Variants in LRRC4C observed in about 807,000 individuals in gnomAD.
The protein encoded by LRRC4C is leucine-rich repeat-containing protein 4C.
In LRRC4C, 5 loss-of-function variants were observed where a neutral mutation model predicts 33.6. That is an observed-to-expected ratio of 0.15 (90% CI 0.08 to 0.31). The LOEUF (loss-of-function observed/expected upper bound fraction) is 0.31. Ranked by LOEUF, LRRC4C falls within the 10% of genes least tolerant of loss-of-function variation. The pLI is 1.00. For synonymous variants in LRRC4C, 329 were observed against 302.0 expected (o/e 1.09, Z -0.93); for missense variants, 560 against 796.7 (o/e 0.70, Z 3.58).
At chr11:41,352,336 G>A (rs1395861236) in intron 1 of LRRC4C, among the ~76,000 whole-genome samples, 1 of 152,112 alleles carries the variant, frequency 6.6e-6, no homozygotes, top group Non-Finnish European at 1.5e-5. Flanking sequence ...AAATATTTAT[G>A]TACCCAACAC....
chr11:40,985,029 C>A (rs1441607843), intron 1 of LRRC4C, among the ~76,000 whole-genome samples: 2 of 150,444 alleles, frequency 1.3e-5, no homozygotes, highest in Non-Finnish European at 3.0e-5. Flanking sequence ...AGCCTCCTCT[C>A]ACTGACACTT....
chr11:40,920,064 T>G (rs1274026285), intron 2 of LRRC4C, among the ~76,000 whole-genome samples: 2 of 152,188 alleles, frequency 1.3e-5, no homozygotes, highest in African/African-American at 4.8e-5. Flanking sequence ...TAACTCATGA[T>G]GCAATGCCAT....
At chr11:40,531,751 A>G (rs1306983105) in intron 3 of LRRC4C, among the ~76,000 whole-genome samples, 1 of 151,984 alleles carries the variant, frequency 6.6e-6, no homozygotes, top group Non-Finnish European at 1.5e-5. Context: ...AGGCTTTGTC[A>G]GCTGAATCAT....
At chr11:40,366,226 C>A (rs888640189) in intron 3 of LRRC4C, among the ~76,000 whole-genome samples, 6 of 152,054 alleles carry the variant, frequency 3.9e-5, no homozygotes, top group African/African-American at 1.4e-4. Context: ...CATATGCTTT[C>A]TACCTTGAGG....
chr11:40,420,496 T>C (rs1950484704), intron 3 of LRRC4C, among the ~76,000 whole-genome samples: 1 of 152,198 alleles, frequency 6.6e-6, no homozygotes, highest in Non-Finnish European at 1.5e-5. Context: ...TGCTCTGAAC[T>C]CTATCTCCAT....
rs118135302 is a variant in LRRC4C at position 40,120,000 on chromosome 11, C to G, written c.-42-3666G>C. ...CCCAATCATAAGACCATTTACCCTGCCTTCCCATAAAACCACAATAAAGGC... is the reference window on the plus strand; with the variant it reads ...CCCAATCATAAGACCATTTACCCTGGCTTCCCATAAAACCACAATAAAGGC... On this transcript the variant is annotated intron_variant, in intron 6 of 6. Coordinates refer to ENST00000528697, the MANE Select transcript of LRRC4C (RefSeq NM_001258419.2). Among the ~76,000 whole-genome samples the G allele has an allele frequency of 4.7e-3, 709 of 152,306 alleles. 5 individuals carry two copies. Among genetic ancestry groups the G allele is most frequent in the Non-Finnish European group, 8.5e-3 (575 of 68,030 alleles).
intron 1 of LRRC4C, among the ~76,000 whole-genome samples, chr11:41,164,998 T>C: frequency 6.6e-6 from 1 of 152,214 alleles, no homozygotes; most frequent in East Asian, 1.9e-4. Flanking sequence ...TGCTCTCCAT[T>C]ATCTCAAGTA....
At chr11:40,215,071 G>T (rs948548244) in intron 5 of LRRC4C, among the ~76,000 whole-genome samples, 5 of 152,162 alleles carry the variant, frequency 3.3e-5, no homozygotes, top group East Asian at 3.9e-4. Flanking sequence ...CAAATGCTTC[G>T]ATTGTTACCC....
intron 1 of LRRC4C, among the ~76,000 whole-genome samples, chr11:41,153,594 T>G (rs1361793347): frequency 6.6e-6 from 1 of 152,204 alleles, no homozygotes; most frequent in Non-Finnish European, 1.5e-5. Flanking sequence ...GAACTTTGTG[T>G]TTAACTAGCT....
chr11:40,489,062 C>T (rs542727145), intron 3 of LRRC4C, among the ~76,000 whole-genome samples: 7 of 152,204 alleles, frequency 4.6e-5, no homozygotes, highest in South Asian at 2.1e-4. Flanking sequence ...CCTTCTCTAT[C>T]GGGCTTGTCC....
intron 3 of LRRC4C, among the ~76,000 whole-genome samples, chr11:40,335,592 G>A (rs1946561689): frequency 6.6e-6 from 1 of 152,238 alleles, no homozygotes. Flanking sequence ...TATGACAATT[G>A]TTAGATGTGC....
At chr11:41,026,012 T>C (rs1289822507) in intron 1 of LRRC4C, among the ~76,000 whole-genome samples, 1 of 151,738 alleles carries the variant, frequency 6.6e-6, no homozygotes, top group Non-Finnish European at 1.5e-5. Flanking sequence ...GTAGGAGATA[T>C]ACAAAGAGAT....
chr11:40,605,212 A>T (rs187641539), intron 3 of LRRC4C, among the ~76,000 whole-genome samples: 11 of 152,200 alleles, frequency 7.2e-5, no homozygotes. Flanking sequence ...GGACAAAGCG[A>T]TTTTTTTAAT....
At chr11:40,224,581 T>C (rs780312643) in intron 5 of LRRC4C, among the ~76,000 whole-genome samples, 39 of 152,364 alleles carry the variant, frequency 2.6e-4, no homozygotes, top group Non-Finnish European at 5.1e-4. Context: ...TATAGGTATA[T>C]GAGAAAATAG....
chr11:41,167,171 C>A (rs1944767273), intron 1 of LRRC4C, among the ~76,000 whole-genome samples: 1 of 152,072 alleles, frequency 6.6e-6, no homozygotes, highest in South Asian at 2.1e-4. Context: ...CAGAACATTT[C>A]AAAAATATTA....
chr11:41,016,156 T>C (rs1433911771), intron 1 of LRRC4C, among the ~76,000 whole-genome samples: 5 of 131,034 alleles, frequency 3.8e-5, no homozygotes, highest in Non-Finnish European at 8.7e-5. Context: ...TTTGTCTTAG[T>C]ATAGAAAAAA....
intron 1 of LRRC4C, among the ~76,000 whole-genome samples, chr11:41,366,226 ATAGATAGATAGATAGATAGG>A (rs1324207928): frequency 1.6e-3 from 227 of 146,132 alleles, no homozygotes; most frequent in African/African-American, 6.1e-3. Flanking sequence ...AGATAGATAG[ATAGATAGATAGATAGATAGG>A]TAGATATCCT....
In LRRC4C at chr11:40,114,566, G is replaced by A. The variant is rs201412968; in HGVS notation, c.1727C>T (p.Thr576Met). The A allele has an allele frequency of 1.7e-4, 269 of 1,614,116 alleles. 1 individual carries two copies. Among genetic ancestry groups the A allele is most frequent in the Non-Finnish European group, 2.0e-4 (238 of 1,180,008 alleles). ...GTGGCTTTCCATGGGTGTGTCTCCC[G>A]TAATCTCATCATCCACATTAATAAT... Reference protein sequence around the residue: ...VEIINVDDEITGDTPMESHLP... With the variant: ...VEIINVDDEIMGDTPMESHLP... Residue 576 changes from threonine (T) to methionine (M), a missense_variant, in exon 7 of 7, where the codon ACG (threonine) becomes ATG (methionine). Thr to Met is a moderately conservative substitution (Grantham distance 81). Transcript: ENST00000528697.
intron 2 of LRRC4C, among the ~76,000 whole-genome samples, chr11:40,869,510 G>A (rs889270263): frequency 2.0e-5 from 3 of 152,130 alleles, no homozygotes; most frequent in Admixed American, 6.6e-5. Context: ...GCAGCTTCTC[G>A]ATAAGATCTC....
Sources: allele counts gnomAD v4.1 joint callset (sites outside exome capture counted in the v4.1 genomes callset), GRCh38; gene constraint gnomAD v4.1.1; transcripts MANE v1.5; gene names NCBI Gene and HGNC (gene_info 2026-07-23, HGNC 2026-07-21).